MAF: variants seen among roughly 807,000 people sequenced by gnomAD.
MAF encodes the protein transcription factor Maf.
MAF carries 10 observed loss-of-function variants against 22.0 expected under a neutral mutation model. The ratio of observed to expected loss-of-function variants is 0.45; its 90% CI spans 0.28 to 0.77. The LOEUF (loss-of-function observed/expected upper bound fraction) is 0.77, where lower values mean the gene tolerates loss of function less well. Among genes scored for constraint, MAF ranks in the 30% least tolerant of loss-of-function variants. The pLI, the probability that MAF is intolerant of heterozygous loss-of-function variation, is 0.12. For synonymous variants in MAF, 337 were observed against 255.8 expected, an observed-to-expected ratio of 1.32 and a Z score of -3.03; for missense variants, 544 against 548.4, an observed-to-expected ratio of 0.99 and a Z score of 0.08.
At chr16:79,581,778 G>A (rs1487411406), downstream of MAF, among the ~76,000 whole-genome samples, 3 of 152,210 alleles carry the variant, frequency 2.0e-5, no homozygotes, top group East Asian at 3.9e-4. Context: ...CCGTACTGAT[G>A]ATTAAGTTGT....
chr16:79,326,757 G>T, the MAF span, among the ~76,000 whole-genome samples: 1 of 152,174 alleles, frequency 6.6e-6, no homozygotes, highest in Non-Finnish European at 1.5e-5. Context: ...GTGGATGAAG[G>T]CTGCATTTGG....
chr16:79,597,189 A>G (rs1331944335), intron 1 of MAF: 3 of 1,054,216 alleles, frequency 2.8e-6, no homozygotes, highest in Admixed American at 1.1e-4. Context: ...TAGTGCATCA[A>G]TCGTTTAAAA....
At chr16:79,357,123 G>A in the MAF span, among the ~76,000 whole-genome samples, 108 of 152,278 alleles carry the variant, frequency 7.1e-4, no homozygotes, top group African/African-American at 2.5e-3. Flanking sequence ...GGATGCAGTG[G>A]CATGCGCCTA....
the MAF span, among the ~76,000 whole-genome samples, chr16:79,461,356 G>A: frequency 1.3e-5 from 2 of 152,108 alleles, no homozygotes; most frequent in Non-Finnish European, 2.9e-5. Flanking sequence ...CTGCTCAGCT[G>A]TCTCTCTACG....
chr16:79,363,633 T>A, the MAF span, among the ~76,000 whole-genome samples: 1 of 152,164 alleles, frequency 6.6e-6, no homozygotes, highest in Admixed American at 6.5e-5. Flanking sequence ...GTCCAGAGCA[T>A]CTGTAATTAC....
At chr16:79,329,650 C>G in the MAF span, among the ~76,000 whole-genome samples, 1 of 152,166 alleles carries the variant, frequency 6.6e-6, no homozygotes, top group Non-Finnish European at 1.5e-5. Context: ...GAATAACCCT[C>G]TAAACACCCT....
the MAF span, among the ~76,000 whole-genome samples, chr16:79,341,767 G>A: frequency 9.2e-5 from 14 of 152,292 alleles, no homozygotes; most frequent in Non-Finnish European, 1.3e-4. Flanking sequence ...CAGTGAGCAG[G>A]CTGTGGCAGT....
chr16:79,575,100 G>A, the MAF span, among the ~76,000 whole-genome samples: 77 of 151,416 alleles, frequency 5.1e-4, no homozygotes, highest in Non-Finnish European at 9.7e-4. Flanking sequence ...TCTGAGGCAC[G>A]GCATCAATGT....
At chr16:79,398,508 G>C in the MAF span, among the ~76,000 whole-genome samples, 1 of 152,124 alleles carries the variant, frequency 6.6e-6, no homozygotes, top group African/African-American at 2.4e-5. Context: ...GAAGATGGAG[G>C]GAGATAATAT....
At chr16:79,324,758 G>A in the MAF span, among the ~76,000 whole-genome samples, 3 of 152,120 alleles carry the variant, frequency 2.0e-5, no homozygotes, top group East Asian at 3.9e-4. Flanking sequence ...AAGGGGGACT[G>A]TATTTGTTTT....
chr16:79,324,610 G>A, the MAF span, among the ~76,000 whole-genome samples: 5 of 152,162 alleles, frequency 3.3e-5, no homozygotes, highest in East Asian at 1.9e-4. Flanking sequence ...TAATTGAGTC[G>A]AAAACACCTA....
At chr16:79,340,739 C>T in the MAF span, among the ~76,000 whole-genome samples, 1 of 151,992 alleles carries the variant, frequency 6.6e-6, no homozygotes, top group African/African-American at 2.4e-5. Context: ...CTCCTAGATG[C>T]CAGTAGCCCA....
chr16:79,293,162 C>T, the MAF span, among the ~76,000 whole-genome samples: 285 of 152,204 alleles, frequency 1.9e-3, no homozygotes, highest in Middle Eastern at 3.4e-3. Flanking sequence ...AGTTTTCTTG[C>T]GTGAGGTCCA....
At chr16:79,319,864 C>T in the MAF span, among the ~76,000 whole-genome samples, 1 of 152,128 alleles carries the variant, frequency 6.6e-6, no homozygotes, top group Admixed American at 6.5e-5. Flanking sequence ...GGATGGGATG[C>T]AGTGGCTGAG....
the MAF span, among the ~76,000 whole-genome samples, chr16:79,251,410 G>C: frequency 6.7e-6 from 1 of 149,174 alleles, no homozygotes; most frequent in South Asian, 2.1e-4. Context: ...CTGCCTCTTG[G>C]GTTCAAGCAA....
chr16:79,496,169 G>A, the MAF span, among the ~76,000 whole-genome samples: 1 of 152,238 alleles, frequency 6.6e-6, no homozygotes, highest in African/African-American at 2.4e-5. Context: ...TATTTGTTAT[G>A]CAGCAGTAGC....
chr16:79,253,747 C>G, the MAF span, among the ~76,000 whole-genome samples: 1 of 152,154 alleles, frequency 6.6e-6, no homozygotes, highest in Non-Finnish European at 1.5e-5. Flanking sequence ...CGAGCCTGAT[C>G]GTCTCTAGCT....
At chr16:79,521,194 A>C in the MAF span, among the ~76,000 whole-genome samples, 1 of 152,208 alleles carries the variant, frequency 6.6e-6, no homozygotes, top group Admixed American at 6.5e-5. Context: ...TGGGAATTCT[A>C]AACCCAAGCT....
chr16:79,214,961 C>A, the MAF span, among the ~76,000 whole-genome samples: 1 of 151,858 alleles, frequency 6.6e-6, no homozygotes, highest in African/African-American at 2.4e-5. Flanking sequence ...CCACCCACCT[C>A]AGCCCCCCAA....
Sources: allele counts gnomAD v4.1 joint callset (sites outside exome capture counted in the v4.1 genomes callset), GRCh38; gene constraint gnomAD v4.1.1; transcripts MANE v1.5; gene names NCBI Gene and HGNC (gene_info 2026-07-23, HGNC 2026-07-21).